HIPK2: variants seen among roughly 807,000 people sequenced by gnomAD.
HIPK2 encodes the protein homeodomain interacting protein kinase 2.
Under a neutral mutation model 113.7 loss-of-function variants are expected in HIPK2, and 27 were observed. The ratio of observed to expected loss-of-function variants is 0.24; its 90% CI spans 0.17 to 0.33. The LOEUF (loss-of-function observed/expected upper bound fraction) is 0.33, where lower values mean the gene tolerates loss of function less well. Ranked by LOEUF, HIPK2 falls within the 10% of genes least tolerant of loss-of-function variation. HIPK2 has a pLI of 1.00. For missense variants in HIPK2, 1,257 were observed against 1,588.0 expected (o/e 0.79, Z 3.54); for synonymous variants, 631 against 642.2 (o/e 0.98, Z 0.26).
intron 2 of HIPK2, among the ~76,000 whole-genome samples, chr7:139,664,080 G>A (rs781153897): frequency 6.6e-6 from 1 of 152,230 alleles, no homozygotes; most frequent in African/African-American, 2.4e-5. Flanking sequence ...TCTCGCTTCA[G>A]CGTCCTCCCC....
intron 1 of HIPK2, among the ~76,000 whole-genome samples, chr7:139,758,801 A>G (rs994655782): frequency 5.3e-5 from 8 of 152,218 alleles, no homozygotes; most frequent in African/African-American, 1.9e-4. Context: ...GGGGCCAAAA[A>G]GGCTAGGAAC....
intron 12 of HIPK2, among the ~76,000 whole-genome samples, chr7:139,593,399 C>T (rs757645995): frequency 1.3e-5 from 2 of 152,248 alleles, no homozygotes; most frequent in Non-Finnish European, 2.9e-5. Flanking sequence ...CATCTGCCTC[C>T]AACATGCCCT....
chr7:139,655,594 T>G (rs1055113933), intron 2 of HIPK2, among the ~76,000 whole-genome samples: 1 of 152,224 alleles, frequency 6.6e-6, no homozygotes, highest in Non-Finnish European at 1.5e-5. Flanking sequence ...TCTCTCCTTC[T>G]TCCTTTAAGG....
At chr7:139,765,968 A>T (rs1324334705) in intron 1 of HIPK2, among the ~76,000 whole-genome samples, 1 of 152,242 alleles carries the variant, frequency 6.6e-6, no homozygotes, top group African/African-American at 2.4e-5. Context: ...TGGTCTCTCA[A>T]GTTTTAAAAT....
chr7:139,579,558 G>A (rs1046191062), intron 13 of HIPK2, among the ~76,000 whole-genome samples: 5 of 152,190 alleles, frequency 3.3e-5, no homozygotes, highest in African/African-American at 9.7e-5. Flanking sequence ...CCTGAGGCTG[G>A]AGCCAGCAAG....
At chr7:139,668,531 A>G (rs1802141009) in intron 2 of HIPK2, among the ~76,000 whole-genome samples, 1 of 150,704 alleles carries the variant, frequency 6.6e-6, no homozygotes, top group African/African-American at 2.4e-5. Flanking sequence ...AGATCGCGCC[A>G]CTGCACTCCA....
rs1796156840 is a variant in HIPK2 at position 139,744,413 on chromosome 7, AAGG to A, written c.20-27401_20-27399del. Among the ~76,000 whole-genome samples, 3 of 152,214 alleles carry A rather than the reference AAGG, an allele frequency of 2.0e-5. No homozygotes were observed. In the South Asian group the frequency reaches 6.2e-4, roughly 31 times the overall value. The stretch of plus-strand genomic sequence containing the variant: ...TAGATTAGTGGTTGCCAGGGGCTAG[AAGG>A]AGAAGCGAATAGGGAGTGAGTTAAC... On this transcript the variant is annotated intron_variant, in intron 1 of 14. Transcript: ENST00000406875.
At chr7:139,579,006 C>G (rs965615871) in intron 13 of HIPK2, among the ~76,000 whole-genome samples, 1 of 152,230 alleles carries the variant, frequency 6.6e-6, no homozygotes, top group Non-Finnish European at 1.5e-5. Flanking sequence ...TTTTTGGAAA[C>G]CTTGCTGGAC....
At position 139,714,725 on chromosome 7, in the gene HIPK2, T is replaced by C. The variant is rs917551561; in HGVS notation, c.1103+1207A>G. On this transcript the variant is annotated intron_variant, in intron 2 of 14. Transcript: ENST00000406875. This position sits in a 1 kb window ranked among gnomAD's most constrained non-coding sequence, Gnocchi z 4.2. The stretch of plus-strand genomic sequence containing the variant: ...AATGTGCATCCGTCCCATCTTCTCA[T>C]GGGAGTTTCAGTTTTGTTTCTTGTG... Among the ~76,000 whole-genome samples the C allele has an allele frequency of 2.0e-5, 3 of 152,192 alleles. No homozygotes were observed. The highest frequency in any genetic ancestry group is 4.4e-5 in the Non-Finnish European group (3 of 68,018).
chr7:139,565,782 T>A lies in HIPK2; in HGVS notation c.*7145A>T, dbSNP rs1256826865. 1 of 151,862 alleles carries A rather than the reference T, an allele frequency of 6.6e-6. No individual in the cohort carries two copies. The highest frequency in any genetic ancestry group is 1.5e-5 in the Non-Finnish European group (1 of 67,974). 9.4% of individuals were successfully genotyped at this position (151,862 alleles called of 1,614,324 possible). On this transcript the variant is annotated 3_prime_UTR_variant, in exon 15 of 15. Coordinates refer to ENST00000406875, the MANE Select transcript of HIPK2 (RefSeq NM_022740.5). ...GGACACCAGACCCACATATGGTATT[T>A]ACAAATTTGGTGTGAACCCTGCCTC... is the stretch of plus-strand genomic sequence containing the variant.
intron 1 of HIPK2, among the ~76,000 whole-genome samples, chr7:139,759,903 ATTGT>A (rs755409766): frequency 1.1e-4 from 17 of 152,200 alleles, no homozygotes; most frequent in South Asian, 2.1e-4. Context: ...ACTTCTCTAT[ATTGT>A]TTAATTATTT....
chr7:139,721,482 AAAGT>A (rs1432328964), intron 1 of HIPK2, among the ~76,000 whole-genome samples: 1 of 152,196 alleles, frequency 6.6e-6, no homozygotes, highest in Non-Finnish European at 1.5e-5. Context: ...GAGGGACAAT[AAAGT>A]GGGGGTGCAG....
rs143426591 is a variant in HIPK2 at position 139,710,738 on chromosome 7, G to A, written c.1103+5194C>T. Among the ~76,000 whole-genome samples the A allele has an allele frequency of 3.3e-5, 5 of 152,320 alleles. No homozygotes were observed. The East Asian group carries it at 9.6e-4, about 29-fold the overall frequency. ...CTACCCAAATCTCATGTTGAATTGTGATCTCCAACGTTGGAGGAGGGGCCT... is the reference window on the plus strand; with the variant it reads ...CTACCCAAATCTCATGTTGAATTGTAATCTCCAACGTTGGAGGAGGGGCCT... On this transcript the variant is annotated intron_variant, in intron 2 of 14. Coordinates refer to ENST00000406875, the MANE Select transcript of HIPK2 (RefSeq NM_022740.5).
In HIPK2 at chr7:139,631,930, T is replaced by C. The variant is rs1013717661; in HGVS notation, c.1104-205A>G. On this transcript the variant is annotated intron_variant, in intron 2 of 14. Coordinates refer to ENST00000406875, the MANE Select transcript of HIPK2 (RefSeq NM_022740.5). This position sits in a 1 kb window ranked among gnomAD's most constrained non-coding sequence, Gnocchi z 4.9. Reference sequence around the variant, plus strand: ...ATTAGTGGAGGGCCCACTTGGAAGGTTGGCTGAGATGAAGGATAAGTCTGT... The same window carrying C: ...ATTAGTGGAGGGCCCACTTGGAAGGCTGGCTGAGATGAAGGATAAGTCTGT... 5 of 200,154 alleles carry C rather than the reference T, an allele frequency of 2.5e-5. No individual in the cohort carries two copies. The highest frequency in any genetic ancestry group is 3.6e-5 in the Non-Finnish European group (4 of 112,214). The allele number at this position is 200,154 out of a possible 1,614,324, so 12.4% of individuals were successfully genotyped here.
At chr7:139,621,927 A>AAAAT (rs1800248179) in intron 6 of HIPK2, among the ~76,000 whole-genome samples, 1 of 147,144 alleles carries the variant, frequency 6.8e-6, no homozygotes, top group African/African-American at 2.5e-5. Context: ...TGTCTCAGGA[A>AAAAT]AAAAAAAAAA....
chr7:139,649,695 T>C (rs1315534142), intron 2 of HIPK2, among the ~76,000 whole-genome samples: 3 of 152,068 alleles, frequency 2.0e-5, no homozygotes, highest in African/African-American at 7.2e-5. Context: ...CTCCTACCAA[T>C]TCAGAGGGTC....
intron 1 of HIPK2, among the ~76,000 whole-genome samples, chr7:139,749,170 A>C (rs985901465): frequency 6.6e-6 from 1 of 152,196 alleles, no homozygotes; most frequent in Non-Finnish European, 1.5e-5. Flanking sequence ...CAAATGAAGA[A>C]AGTCCCTCCT....
intron 1 of HIPK2, among the ~76,000 whole-genome samples, chr7:139,729,279 T>C (rs1795690474): frequency 6.8e-6 from 1 of 147,168 alleles, no homozygotes; most frequent in South Asian, 2.1e-4. Context: ...AAGCTGTGAT[T>C]GCAACACTGC....
intron 12 of HIPK2, among the ~76,000 whole-genome samples, chr7:139,584,898 C>T (rs577112408): frequency 1.3e-5 from 2 of 152,290 alleles, no homozygotes; most frequent in Non-Finnish European, 2.9e-5. Context: ...GAACTTCATA[C>T]AATAGGGAGG....
Sources: allele counts gnomAD v4.1 joint callset (sites outside exome capture counted in the v4.1 genomes callset), GRCh38; gene constraint gnomAD v4.1.1; non-coding constraint Gnocchi (gnomAD v3.1); transcripts MANE v1.5; gene names NCBI Gene and HGNC (gene_info 2026-07-23, HGNC 2026-07-21).